Variants in VPS13C observed in about 807,000 individuals in gnomAD.
VPS13C encodes the protein vacuolar protein sorting 13 homolog C.
A neutral mutation model predicts 456.8 loss-of-function variants in VPS13C; 358 were observed. That is an observed-to-expected ratio of 0.78 (90% confidence interval 0.72 to 0.86). The LOEUF is 0.86. VPS13C is among the 40% of genes least tolerant of loss of function. The pLI, the probability that VPS13C is intolerant of heterozygous loss-of-function variation, is 0.00. For missense variants in VPS13C, 4,818 were observed against 4,385.4 expected (o/e 1.10, Z -2.79); for synonymous variants, 1,578 against 1,486.7 (o/e 1.06, Z -1.41).
Position 61,950,399 on chromosome 15 carries a change from C to G in VPS13C, c.4555G>C (p.Glu1519Gln), listed in dbSNP as rs961705030. 5 of 1,612,018 alleles carry G rather than the reference C, an allele frequency of 3.1e-6. No individual in the cohort carries two copies. The African/African-American group carries it at 6.7e-5, about 22-fold the overall frequency. ...LLTKADSDGP[E>Q]FKTIHDSTKQ... ...GTACTGTCATGAATAGTTTTAAATT[C>G]TGGTCCATCACTGTCTGCCTACAAA... The change falls in exon 41 of 85, where the codon GAA (glutamate) becomes CAA (glutamine). Residue 1519 changes from glutamate (E) to glutamine (Q), a missense_variant. By Grantham distance (29) the Glu-to-Gln change is conservative (BLOSUM62 2). Around this residue, in one of 3 missense-constraint regions of VPS13C, gnomAD observed 4,552 missense variants for 4,130.6 expected, o/e 1.10. Transcript: ENST00000644861.
At chr15:61,948,472 A>G (rs1447995384) in intron 42 of VPS13C, among the ~76,000 whole-genome samples, 1 of 152,124 alleles carries the variant, frequency 6.6e-6, no homozygotes, top group East Asian at 1.9e-4. Context: ...ACCTGAGGTC[A>G]GGAGTTCACG....
At chr15:62,028,032 G>A (rs1182672218) in intron 6 of VPS13C, among the ~76,000 whole-genome samples, 1 of 151,998 alleles carries the variant, frequency 6.6e-6, no homozygotes, top group East Asian at 1.9e-4. Flanking sequence ...CTGAACTCTA[G>A]AACTAAACTC....
At chr15:61,877,553 G>A (rs1895540465) in intron 74 of VPS13C, among the ~76,000 whole-genome samples, 1 of 151,174 alleles carries the variant, frequency 6.6e-6, no homozygotes. Context: ...ATGATGCCAT[G>A]CGTATGTTGA....
At chr15:61,981,230 A>T (rs546181839) in intron 22 of VPS13C, 112 bp downstream of exon 22, 2 of 1,259,706 alleles carry the variant, frequency 1.6e-6, no homozygotes, top group African/African-American at 1.5e-5. Context: ...AGGCTAAAAA[A>T]TAAGTCTACA....
In VPS13C at chr15:61,961,442, CAA is replaced by C. The variant is rs1159924811; in HGVS notation, c.3908+145_3908+146del. 1.8e-4 allele frequency: 99 copies of C among 557,266 alleles called. 4 individuals are homozygous for C. In the South Asian group the frequency reaches 2.3e-3, roughly 13 times the overall value. The allele number at this position is 557,266 out of a possible 1,614,324, so 34.5% of individuals were successfully genotyped here. A position where few individuals can be genotyped will look rare whatever the true frequency, so the allele number is the denominator to read the frequency against. On this transcript the variant is annotated intron_variant, in intron 35 of 84. Coordinates refer to ENST00000644861, the MANE Select transcript of VPS13C (RefSeq NM_020821.3). The stretch of plus-strand genomic sequence containing the variant: ...ACACACACACACACACACACACACA[CAA>C]AACAATGACAACAATAAAAAAAACT...
intron 66 of VPS13C, among the ~76,000 whole-genome samples, chr15:61,906,303 AATCAC>A: frequency 6.6e-6 from 1 of 152,168 alleles, no homozygotes; most frequent in South Asian, 2.1e-4. Flanking sequence ...ACTGAGGTGG[AATCAC>A]CCTCTCTTCC....
rs202063611 is a variant in VPS13C at position 61,856,376 on chromosome 15, C to A, written c.10986G>T (p.Leu3662=). 6.2e-7 allele frequency: 1 copy of A among 1,613,254 alleles called. No individual in the cohort carries two copies. Among genetic ancestry groups the A allele is most frequent in the East Asian group, 2.2e-5 (1 of 44,778 alleles). Residue 3662 remains leucine, a synonymous_variant, in exon 83 of 85, where the codon CTG becomes CTT. Transcript: ENST00000644861. ...ATTGCCAGTCTACACACATAAGGCC[C>A]AGGATTTCAACTTCCTTTATACACA... is the stretch of plus-strand genomic sequence containing the variant. ...RVLCIKEVEI[L]GLMCVDWQCP...
At chr15:61,911,566 A>T (rs1288244424) in intron 63 of VPS13C, among the ~76,000 whole-genome samples, 2 of 152,208 alleles carry the variant, frequency 1.3e-5, no homozygotes, top group African/African-American at 4.8e-5. Context: ...CACAGTACAT[A>T]ATCTCTATGT....
Position 61,919,363 on chromosome 15 carries a change from G to A in VPS13C, c.7564C>T (p.His2522Tyr). The A allele has an allele frequency of 6.2e-7, 1 of 1,605,150 alleles. No homozygotes were observed. Among genetic ancestry groups the A allele is most frequent in the Admixed American group, 1.7e-5 (1 of 58,444 alleles). ...LYNVRNPNAS[H>Y]SDSVLVQIDA... ...ATTTGTACCAAGACAGAGTCAGAATGACTGGCATTGGGATTCCGTACATTA... is the reference window on the plus strand; with the variant it reads ...ATTTGTACCAAGACAGAGTCAGAATAACTGGCATTGGGATTCCGTACATTA... Residue 2522 changes from histidine to tyrosine, a missense_variant, in exon 58 of 85, where the codon CAT (histidine) becomes TAT (tyrosine). This residue lies in a region of VPS13C where 4,552 missense variants were observed against 4,130.6 expected (regional missense o/e 1.10). Coordinates refer to ENST00000644861, the MANE Select transcript of VPS13C (RefSeq NM_020821.3).
At chr15:61,980,027 T>C (rs1008746675) in intron 22 of VPS13C, among the ~76,000 whole-genome samples, 6 of 150,812 alleles carry the variant, frequency 4.0e-5, no homozygotes, top group African/African-American at 1.2e-4. Flanking sequence ...CTACTAAAAA[T>C]ACAAAAATTA....
At chr15:61,993,420 C>T (rs1484108666) in intron 16 of VPS13C, among the ~76,000 whole-genome samples, 2 of 151,628 alleles carry the variant, frequency 1.3e-5, no homozygotes, top group Admixed American at 1.3e-4. Flanking sequence ...TGAAATTAAC[C>T]TTTTTAAAAT....
At chr15:61,947,874 C>A (rs1378966369) in intron 42 of VPS13C, among the ~76,000 whole-genome samples, 2 of 150,952 alleles carry the variant, frequency 1.3e-5, no homozygotes, top group African/African-American at 4.9e-5. Context: ...TAAAAAATAC[C>A]AAAAAAAAAT....
chr15:62,005,311 T>C (rs1567098486), intron 15 of VPS13C, among the ~76,000 whole-genome samples: 2 of 152,200 alleles, frequency 1.3e-5, no homozygotes, highest in South Asian at 4.1e-4. Flanking sequence ...TGGTTTAAAG[T>C]CTGTTTTATC....
At chr15:61,883,437 A>G (rs12915825) in intron 68 of VPS13C, among the ~76,000 whole-genome samples, 59,077 of 151,528 alleles carry the variant, frequency 0.39, 11,802 homozygotes, top group Non-Finnish European at 0.43. Flanking sequence ...AGTATGGCCA[A>G]AATTGGTGGG....
chr15:61,959,360 A>G, intron 36 of VPS13C, 88 bp downstream of exon 36: 4 of 1,220,544 alleles, frequency 3.3e-6, no homozygotes, highest in South Asian at 1.9e-5. Context: ...ATTCAGCAAA[A>G]GAGTCTACAT....
rs1280255441 is a variant in VPS13C at position 62,018,601 on chromosome 15, G to A, written c.684+1878C>T. 7.3e-5 allele frequency among the ~76,000 whole-genome samples: 11 copies of A among 151,486 alleles called. No homozygotes were observed. The South Asian group carries it at 8.4e-4, about 12-fold the overall frequency. On this transcript the variant is annotated intron_variant, in intron 9 of 84. Coordinates refer to ENST00000644861, the MANE Select transcript of VPS13C (RefSeq NM_020821.3). ...TGCTGGATTACATTTATTGATTTGC[G>A]TATGTTGAACCAGCCTTGCATCCCA...
rs1313695892 is a variant in VPS13C at position 61,896,019 on chromosome 15, G to T, written c.9106-5619C>A. On this transcript the variant is annotated intron_variant, in intron 66 of 84. Transcript: ENST00000644861. ...GAGATATGAATATGTTAACTACCCT[G>T]ATCTAATCAGTATATATTACAGATA... Among the ~76,000 whole-genome samples the T allele has an allele frequency of 2.6e-5, 4 of 152,132 alleles. 1 individual carries two copies. The highest frequency in any genetic ancestry group is 2.6e-4 in the Admixed American group (4 of 15,278).
intron 15 of VPS13C, among the ~76,000 whole-genome samples, chr15:62,006,015 T>C (rs563176853): frequency 6.6e-6 from 1 of 152,210 alleles, no homozygotes; most frequent in South Asian, 2.1e-4. Flanking sequence ...TGTTTCTACC[T>C]TTTAAAAGGG....
At chr15:61,910,093 T>C in intron 64 of VPS13C, 84 bp downstream of exon 64, 1 of 842,910 alleles carries the variant, frequency 1.2e-6, no homozygotes, top group Non-Finnish European at 1.5e-6. Context: ...AACCTGCACG[T>C]TCTGCACATG....
Sources: gnomAD v4.1 joint callset for allele counts (sites outside exome capture counted in the v4.1 genomes callset) on GRCh38, gnomAD v4.1.1 for gene constraint, gnomAD v4.1.1 regional missense constraint, MANE v1.5 for transcripts, NCBI Gene and HGNC (gene_info 2026-07-23, HGNC 2026-07-21) for gene names.